Variants in KLF12 observed in about 807,000 individuals in gnomAD.
The protein encoded by KLF12 is Krueppel-like factor 12.
Under a neutral mutation model 37.8 loss-of-function variants are expected in KLF12, and 9 were observed. The ratio of observed to expected loss-of-function variants is 0.24; its 90% confidence interval spans 0.14 to 0.42. The LOEUF (loss-of-function observed/expected upper bound fraction) is 0.42, where lower values mean the gene tolerates loss of function less well. Ranked by LOEUF, KLF12 falls within the 10% of genes least tolerant of loss-of-function variation. The pLI, the probability that KLF12 is intolerant of heterozygous loss-of-function variation, is 1.00. For missense variants in KLF12, 411 were observed against 516.0 expected, an observed-to-expected ratio of 0.80 and a Z score of 1.97; for synonymous variants, 208 against 202.1, an observed-to-expected ratio of 1.03 and a Z score of -0.25.
chr13:74,273,765 A>G, the KLF12 span, among the ~76,000 whole-genome samples: 2 of 152,262 alleles, frequency 1.3e-5, no homozygotes, highest in East Asian at 3.9e-4. Context: ...AAAAGCCAAG[A>G]TCACCCAAAG....
chr13:74,246,686 T>A, the KLF12 span, among the ~76,000 whole-genome samples: 1 of 152,184 alleles, frequency 6.6e-6, no homozygotes, highest in East Asian at 1.9e-4. Context: ...ATCACCTCAG[T>A]GGCGTTTCCA....
intron 3 of KLF12, among the ~76,000 whole-genome samples, chr13:73,913,723 A>C (rs949890442): frequency 2.0e-5 from 3 of 152,242 alleles, no homozygotes; most frequent in African/African-American, 7.2e-5. Flanking sequence ...CTTTAAAATA[A>C]AAAGATTTTT....
Position 73,838,065 on chromosome 13 carries a change from C to T in KLF12, c.670+7762G>A, listed in dbSNP as rs150225786. ...AGACACCAACAAGTGAGAACGCTGGCGACAGAAGAAAATTAGTGAAACAAA... is the reference window on the plus strand; with the variant it reads ...AGACACCAACAAGTGAGAACGCTGGTGACAGAAGAAAATTAGTGAAACAAA... On this transcript the variant is annotated intron_variant, in intron 4 of 7. Coordinates refer to ENST00000377669, the MANE Select transcript of KLF12 (RefSeq NM_007249.5). 8.3e-3 allele frequency among the ~76,000 whole-genome samples: 1,256 copies of T among 152,134 alleles called. 13 individuals are homozygous for T. The highest frequency in any genetic ancestry group is 0.028 in the African/African-American group (1,145 of 41,500).
intron 3 of KLF12, among the ~76,000 whole-genome samples, chr13:73,893,442 C>A (rs978097666): frequency 7.2e-6 from 1 of 139,812 alleles, no homozygotes; most frequent in Non-Finnish European, 1.5e-5. Context: ...AGTGCAGTGG[C>A]GCGATCTCCA....
chr13:73,969,539 T>A (rs1253744491), intron 2 of KLF12, among the ~76,000 whole-genome samples: 1 of 152,210 alleles, frequency 6.6e-6, no homozygotes, highest in Admixed American at 6.5e-5. Flanking sequence ...CTCCTTAACA[T>A]CCTTCAAGCC....
At chr13:74,143,336 T>TCAAATACAATTTCATTATCAATTC in the KLF12 span, among the ~76,000 whole-genome samples, 1 of 148,812 alleles carries the variant, frequency 6.7e-6, no homozygotes, top group African/African-American at 2.5e-5. Context: ...TATACAGAAT[T>TCAAATACAATTTCATTATCAATTC]CAAATACAAT....
intron 5 of KLF12, among the ~76,000 whole-genome samples, chr13:73,790,824 A>C (rs1400092286): frequency 1.3e-5 from 2 of 152,228 alleles, no homozygotes; most frequent in Non-Finnish European, 2.9e-5. Flanking sequence ...TGACTTGCAC[A>C]CAGGGCCAGC....
At chr13:74,175,979 A>G in the KLF12 span, among the ~76,000 whole-genome samples, 9,713 of 152,216 alleles carry the variant, frequency 0.064, 450 homozygotes, top group Middle Eastern at 0.14. Flanking sequence ...GCCTCCTACT[A>G]TTCAATTCTC....
At chr13:74,177,999 T>C in the KLF12 span, among the ~76,000 whole-genome samples, 6,126 of 152,262 alleles carry the variant, frequency 0.04, 392 homozygotes, top group African/African-American at 0.14. Context: ...CTTAAATGCA[T>C]TAGGGGTTGC....
chr13:74,279,589 A>G, the KLF12 span, among the ~76,000 whole-genome samples: 1 of 151,670 alleles, frequency 6.6e-6, no homozygotes, highest in Non-Finnish European at 1.5e-5. Context: ...TCAGCACAGT[A>G]AAGTGTTGAA....
chr13:74,084,507 C>T (rs1875133721), intron 1 of KLF12, among the ~76,000 whole-genome samples: 1 of 152,166 alleles, frequency 6.6e-6, no homozygotes, highest in African/African-American at 2.4e-5. Flanking sequence ...CACCACGAAA[C>T]ATTTACCATG....
intron 3 of KLF12, among the ~76,000 whole-genome samples, chr13:73,917,090 A>G (rs146855758): frequency 6.6e-6 from 1 of 152,342 alleles, no homozygotes; most frequent in African/African-American, 2.4e-5. Context: ...GACGAGCATC[A>G]CCAAAAATTC....
chr13:73,910,814 T>A (rs992048120), intron 3 of KLF12, among the ~76,000 whole-genome samples: 5 of 152,160 alleles, frequency 3.3e-5, no homozygotes, highest in African/African-American at 1.2e-4. Context: ...AATGGGTTAA[T>A]CCATTCATAG....
intron 6 of KLF12, among the ~76,000 whole-genome samples, chr13:73,727,120 TG>T (rs111603807): frequency 0.076 from 11,538 of 152,118 alleles, 749 homozygotes; most frequent in African/African-American, 0.18. Context: ...TAAACTGTTT[TG>T]TTTTTTTATT....
chr13:74,216,202 C>A, the KLF12 span, among the ~76,000 whole-genome samples: 1 of 152,092 alleles, frequency 6.6e-6, no homozygotes, highest in African/African-American at 2.4e-5. Flanking sequence ...TAAGTCCTTG[C>A]CACTCTCTTT....
At position 73,761,689 on chromosome 13, in the gene KLF12, C is replaced by T. The variant is rs544184964; in HGVS notation, c.869+3249G>A. 3.3e-5 allele frequency among the ~76,000 whole-genome samples: 5 copies of T among 152,274 alleles called. No homozygotes were observed. In the South Asian group the frequency reaches 1.0e-3, roughly 32 times the overall value. ...ATGCCCATGTGTGTATGTAAATACA[C>T]ATGTTAATAAACTTCTGCTCATTTT... is the stretch of plus-strand genomic sequence containing the variant. On this transcript the variant is annotated intron_variant, in intron 6 of 7. Coordinates refer to ENST00000377669, the MANE Select transcript of KLF12 (RefSeq NM_007249.5).
intron 3 of KLF12, among the ~76,000 whole-genome samples, chr13:73,933,286 A>G (rs924048897): frequency 6.6e-6 from 1 of 152,180 alleles, no homozygotes; most frequent in African/African-American, 2.4e-5. Flanking sequence ...TAGTGTTTGC[A>G]TAACGTATCT....
the KLF12 span, among the ~76,000 whole-genome samples, chr13:74,201,362 G>A: frequency 6.6e-6 from 1 of 152,128 alleles, no homozygotes; most frequent in Non-Finnish European, 1.5e-5. Context: ...ATGTGCCTAC[G>A]TAGGTAAAAT....
chr13:73,917,042 C>A (rs549519330), intron 3 of KLF12, among the ~76,000 whole-genome samples: 2 of 152,318 alleles, frequency 1.3e-5, no homozygotes, highest in Admixed American at 1.3e-4. Context: ...GAATGGCCAT[C>A]TCTTTAAATC....
Sources: gnomAD v4.1 joint callset for allele counts (sites outside exome capture counted in the v4.1 genomes callset) on GRCh38, gnomAD v4.1.1 for gene constraint, MANE v1.5 for transcripts, NCBI Gene and HGNC (gene_info 2026-07-23, HGNC 2026-07-21) for gene names.